The following SAMMSON variants were observed in gnomAD, a reference collection of about 807,000 sequenced individuals.
The protein encoded by SAMMSON is long intergenic non-protein coding RNA 1212.
At chr3:70,311,152 T>G (rs1467898328) in intron 7 of SAMMSON, among the ~76,000 whole-genome samples, 2 of 152,188 alleles carry the variant, frequency 1.3e-5, no homozygotes, top group African/African-American at 2.4e-5. Flanking sequence ...TGTCAACTAC[T>G]TAAGTAAGAG....
chr3:70,405,561 A>T (rs1701171342), intron 2 of SAMMSON, among the ~76,000 whole-genome samples: 1 of 152,196 alleles, frequency 6.6e-6, no homozygotes, highest in South Asian at 2.1e-4. Flanking sequence ...AAAATAACAG[A>T]TTCACAGAAT....
intron 6 of SAMMSON, among the ~76,000 whole-genome samples, chr3:70,253,505 G>A (rs1701788487): frequency 1.3e-5 from 2 of 152,216 alleles, no homozygotes; most frequent in African/African-American, 4.8e-5. Flanking sequence ...TGTCATCCCA[G>A]CACTTTGGGA....
chr3:70,264,734 T>C (rs1701899637), intron 6 of SAMMSON, among the ~76,000 whole-genome samples: 1 of 152,204 alleles, frequency 6.6e-6, no homozygotes, highest in Admixed American at 6.5e-5. Flanking sequence ...GGACAAATAT[T>C]AAACAGGGAA....
chr3:70,336,810 A>C (rs1702663606), intron 7 of SAMMSON, among the ~76,000 whole-genome samples: 1 of 111,476 alleles, frequency 9.0e-6, no homozygotes, highest in Non-Finnish European at 1.8e-5. Context: ...ACATAATAGA[A>C]AGTTTGTGTG....
intron 9 of SAMMSON, among the ~76,000 whole-genome samples, chr3:70,376,773 A>G (rs1336043243): frequency 6.6e-6 from 1 of 152,178 alleles, no homozygotes; most frequent in African/African-American, 2.4e-5. Flanking sequence ...CTACAAATTT[A>G]GCACCCAGAA....
intron 2 of SAMMSON, among the ~76,000 whole-genome samples, chr3:70,404,567 T>A (rs1012952856): frequency 6.6e-6 from 1 of 152,198 alleles, no homozygotes; most frequent in Non-Finnish European, 1.5e-5. Flanking sequence ...AGAGTCCTCA[T>A]ATTAAGTAGG....
intron 3 of SAMMSON, chr3:70,068,239 T>G (rs2067217619): frequency 6.6e-6 from 1 of 152,082 alleles, no homozygotes; most frequent in Non-Finnish European, 1.5e-5. Flanking sequence ...TAGTCTATCT[T>G]TAGACTCCTG....
At chr3:70,104,331 A>G (rs980619613) in intron 4 of SAMMSON, among the ~76,000 whole-genome samples, 4 of 151,704 alleles carry the variant, frequency 2.6e-5, no homozygotes, top group South Asian at 2.1e-4. Flanking sequence ...CTCAATTTCC[A>G]TATCTGTAAC....
chr3:70,215,671 G>GT (rs1418598522), intron 4 of SAMMSON, among the ~76,000 whole-genome samples: 2 of 152,062 alleles, frequency 1.3e-5, no homozygotes, highest in Admixed American at 1.3e-4. Flanking sequence ...AATTTTGGAT[G>GT]TATTTCTCCT....
intron 7 of SAMMSON, among the ~76,000 whole-genome samples, chr3:70,327,899 A>G (rs1399355046): frequency 6.6e-6 from 1 of 152,242 alleles, no homozygotes; most frequent in Non-Finnish European, 1.5e-5. Context: ...ATGTAAAGTG[A>G]CAATGTCTGT....
intron 4 of SAMMSON, among the ~76,000 whole-genome samples, chr3:70,183,087 C>T (rs1701066790): frequency 6.6e-6 from 1 of 152,162 alleles, no homozygotes; most frequent in African/African-American, 2.4e-5. Flanking sequence ...TGAACACTCG[C>T]TACATGCCAG....
chr3:70,006,514 T>C (rs1053541518), intron 1 of SAMMSON, among the ~76,000 whole-genome samples: 3 of 152,196 alleles, frequency 2.0e-5, no homozygotes, highest in African/African-American at 7.2e-5. Context: ...GTAGGATTTG[T>C]ACCCAGGTCT....
intron 7 of SAMMSON, among the ~76,000 whole-genome samples, chr3:70,329,180 T>C (rs1356629518): frequency 6.6e-6 from 1 of 152,092 alleles, no homozygotes; most frequent in Non-Finnish European, 1.5e-5. Context: ...GTAAAAAAAG[T>C]ATAGAACTCA....
At chr3:70,250,313 T>A (rs1012514834) in intron 6 of SAMMSON, among the ~76,000 whole-genome samples, 4 of 152,110 alleles carry the variant, frequency 2.6e-5, no homozygotes, top group Non-Finnish European at 5.9e-5. Flanking sequence ...TAACTTGTAA[T>A]TTTACTATTG....
At chr3:70,251,465 G>C (rs1253721415) in intron 6 of SAMMSON, among the ~76,000 whole-genome samples, 1 of 152,046 alleles carries the variant, frequency 6.6e-6, no homozygotes, top group Non-Finnish European at 1.5e-5. Flanking sequence ...GTATATATTA[G>C]ATCAATGTAT....
At chr3:70,207,469 T>C (rs1701303665) in intron 4 of SAMMSON, among the ~76,000 whole-genome samples, 1 of 151,996 alleles carries the variant, frequency 6.6e-6, no homozygotes, top group African/African-American at 2.4e-5. Context: ...TCTAGCGAAG[T>C]TCTTGACTGA....
At chr3:70,086,304 T>C (rs1195233110) in intron 4 of SAMMSON, among the ~76,000 whole-genome samples, 3 of 152,328 alleles carry the variant, frequency 2.0e-5, no homozygotes, top group Middle Eastern at 3.4e-3. Context: ...TATCAATCTC[T>C]TTATCTTCTG....
chr3:70,385,145 G>C (rs940420037), intron 9 of SAMMSON, among the ~76,000 whole-genome samples: 1 of 152,038 alleles, frequency 6.6e-6, no homozygotes, highest in African/African-American at 2.4e-5. Flanking sequence ...GAAAAAGCAC[G>C]GTGTTGTAGT....
intron 3 of SAMMSON, among the ~76,000 whole-genome samples, chr3:70,066,985 G>A (rs1404745443): frequency 6.6e-6 from 1 of 152,062 alleles, no homozygotes; most frequent in Non-Finnish European, 1.5e-5. Flanking sequence ...AAACTTAGAG[G>A]ACATTTTTCT....
Sources: allele counts gnomAD v4.1 joint callset (sites outside exome capture counted in the v4.1 genomes callset), GRCh38; gene constraint gnomAD v4.1.1; transcripts MANE v1.5; gene names NCBI Gene and HGNC (gene_info 2026-07-23, HGNC 2026-07-21).